Variants in PKD1L1 observed in about 807,000 individuals in gnomAD.
PKD1L1 encodes polycystin-1-like protein 1.
PKD1L1 carries 236 observed loss-of-function variants against 323.4 expected under a neutral mutation model. That is an observed-to-expected ratio of 0.73 (90% confidence interval 0.66 to 0.81). PKD1L1 has a LOEUF of 0.81. PKD1L1 is among the 40% of genes least tolerant of loss of function. The pLI is 0.00. For missense variants in PKD1L1, 3,320 were observed against 3,508.0 expected (o/e 0.95, Z 1.35); for synonymous variants, 1,344 against 1,335.0 (o/e 1.01, Z -0.15).
chr7:47,909,367 C>T (rs960748784), intron 8 of PKD1L1, among the ~76,000 whole-genome samples: 2 of 152,124 alleles, frequency 1.3e-5, no homozygotes, highest in Admixed American at 1.3e-4. Context: ...CACACAAAAC[C>T]AGGCTCCACT....
In PKD1L1 at chr7:47,774,849, A is replaced by G. The variant is rs1584935754; in HGVS notation, c.*294T>C. 1 of 318,542 alleles carries G rather than the reference A, an allele frequency of 3.1e-6. No individual in the cohort carries two copies. The highest frequency in any genetic ancestry group is 5.8e-5 in the East Asian group (1 of 17,368). 19.7% of individuals were successfully genotyped at this position (318,542 alleles called of 1,614,324 possible). On this transcript the variant is annotated 3_prime_UTR_variant, in exon 57 of 57. Transcript: ENST00000289672. The stretch of plus-strand genomic sequence containing the variant: ...TTCAGTAAAACAAACAAATAAGACA[A>G]TATGTAACTCTAGGGCAACTGGCAA...
chr7:47,905,592 GTGGCACATGGAGC>G (rs1416827831), intron 10 of PKD1L1, among the ~76,000 whole-genome samples: 1 of 152,226 alleles, frequency 6.6e-6, no homozygotes, highest in Admixed American at 6.5e-5. Context: ...TAGAAAGGGT[GTGGCACATGGAGC>G]TGGCAGATAA....
At chr7:47,894,687 C>T (rs1244636507) in intron 14 of PKD1L1, among the ~76,000 whole-genome samples, 1 of 151,904 alleles carries the variant, frequency 6.6e-6, no homozygotes, top group Non-Finnish European at 1.5e-5. Flanking sequence ...CTCATCTCTA[C>T]TAAAAATACA....
Position 47,796,119 on chromosome 7 carries a change from T to G in PKD1L1, c.8225A>C (p.Lys2742Thr). Residue 2742 changes from lysine to threonine, a missense_variant, in exon 55 of 57, where the codon AAA becomes ACA. Physicochemically the swap from Lys to Thr is moderately conservative, Grantham distance 78. Coordinates refer to ENST00000289672, the MANE Select transcript of PKD1L1 (RefSeq NM_138295.5). ...LRGFLMTLPQ[K>T]RKSFQSKSFV... Reference sequence around the variant, plus strand: ...AGATTTACTTTGAAAAGATTTTCTTTTTTGGGGTAAAGTCATGAGAAAACC... The same window carrying G: ...AGATTTACTTTGAAAAGATTTTCTTGTTTGGGGTAAAGTCATGAGAAAACC... The G allele has an allele frequency of 6.2e-7, 1 of 1,608,858 alleles. No individual in the cohort carries two copies. Among genetic ancestry groups the G allele is most frequent in the Non-Finnish European group, 8.5e-7 (1 of 1,178,082 alleles).
intron 6 of PKD1L1, 44 bp from the exon 7 acceptor site, chr7:47,929,570 C>G (rs1371093919): frequency 7.2e-6 from 11 of 1,535,614 alleles, no homozygotes; most frequent in Non-Finnish European, 9.7e-6. Context: ...GACAGTGGAC[C>G]ACTGGGGTGG....
intron 46 of PKD1L1, among the ~76,000 whole-genome samples, chr7:47,820,132 G>T (rs1212462836): frequency 6.6e-6 from 1 of 152,162 alleles, no homozygotes; most frequent in East Asian, 1.9e-4. Context: ...TTTGTGGCAG[G>T]TGAAAATAAA....
chr7:47,838,384 C>T (rs987111669), intron 36 of PKD1L1, among the ~76,000 whole-genome samples: 6 of 152,202 alleles, frequency 3.9e-5, no homozygotes, highest in African/African-American at 1.4e-4. Flanking sequence ...GTTTGAGACC[C>T]AGCTTCAGGA....
Position 47,893,919 on chromosome 7 carries a change from C to A in PKD1L1, c.2412G>T (p.Gly804=). The A allele has an allele frequency of 7.4e-6, 12 of 1,613,938 alleles. No homozygotes were observed. The highest frequency in any genetic ancestry group is 1.7e-5 in the Admixed American group (1 of 60,010). ...GGTCGTCAGGGTCGAAGGACTGGGT[C>A]CCTCTGAGGACAATGGGGGATGAGG... ...RTTSSPIVLR[G]TQSFDPDDPG... is the part of the protein sequence containing the mutation. Residue 804 remains glycine, a synonymous_variant, in exon 15 of 57, where the codon GGG becomes GGT. Transcript: ENST00000289672.
At chr7:47,806,658 T>C (rs1562938757) in intron 52 of PKD1L1, among the ~76,000 whole-genome samples, 3 of 152,202 alleles carry the variant, frequency 2.0e-5, no homozygotes, top group Non-Finnish European at 4.4e-5. Flanking sequence ...AACCAAATAA[T>C]TGCTTAATGC....
At chr7:47,905,010 G>A (rs1478771800) in intron 11 of PKD1L1, 147 bp downstream of exon 11, 1 of 841,348 alleles carries the variant, frequency 1.2e-6, no homozygotes, top group East Asian at 2.6e-5. Context: ...ATCTTATGTT[G>A]AGTTTGCTTC....
intron 12 of PKD1L1, among the ~76,000 whole-genome samples, chr7:47,902,836 C>T (rs939934192): frequency 6.6e-6 from 1 of 152,238 alleles, no homozygotes; most frequent in African/African-American, 2.4e-5. Flanking sequence ...ACAGCCATGA[C>T]CTGGCCCCCT....
chr7:47,853,444 T>C (rs1280831228), intron 30 of PKD1L1, among the ~76,000 whole-genome samples: 2 of 151,986 alleles, frequency 1.3e-5, no homozygotes, highest in African/African-American at 4.8e-5. Flanking sequence ...CTGCATCTCA[T>C]TAAAAACAAA....
rs1784947673 is a variant in PKD1L1, at chr7:47,813,508, C to G, written c.7174-215G>C. The stretch of plus-strand genomic sequence containing the variant: ...GGTTCTACCCACAGAAGGTTGGCAT[C>G]TGAGCTGTGTATGGTTCTAAGGCTT... On this transcript the variant is annotated intron_variant, in intron 48 of 56. Transcript: ENST00000289672. 4.2e-6 allele frequency: 3 copies of G among 707,198 alleles called. No individual in the cohort carries two copies. In the African/African-American group the frequency reaches 5.2e-5, roughly 12 times the overall value. The allele number at this position is 707,198 out of a possible 1,614,324, so 43.8% of individuals were successfully genotyped here. A position where few individuals can be genotyped will look rare whatever the true frequency, so the allele number is the denominator to read the frequency against.
chr7:47,827,296 TC>T, intron 45 of PKD1L1, 53 bp downstream of exon 45: 1 of 1,453,854 alleles, frequency 6.9e-7, no homozygotes, highest in Admixed American at 2.0e-5. Context: ...GGGTACTCCC[TC>T]CGAGAAGGGA....
chr7:47,813,120 C>T lies in PKD1L1; in HGVS notation c.7346+1G>A, dbSNP rs1562941941. ...GCCCCGGCCCTTCGAATCTCACTGACCTTGTTCTGCCCAGGCTGAGCACAC... is the reference window on the plus strand; with the variant it reads ...GCCCCGGCCCTTCGAATCTCACTGATCTTGTTCTGCCCAGGCTGAGCACAC... On this transcript the variant is annotated splice_donor_variant, in intron 49 of 56. Transcript: ENST00000289672. LOFTEE classifies it high-confidence loss of function. 2 of 1,612,586 alleles carry T rather than the reference C, an allele frequency of 1.2e-6. No homozygotes were observed. The highest frequency in any genetic ancestry group is 2.2e-5 in the East Asian group (1 of 44,874).
chr7:47,823,897 A>G (rs1307864108), intron 45 of PKD1L1, among the ~76,000 whole-genome samples: 1 of 152,226 alleles, frequency 6.6e-6, no homozygotes, highest in East Asian at 1.9e-4. Flanking sequence ...ACATTGATCA[A>G]TTACATTGTG....
chr7:47,872,736 T>C (rs185706891), intron 24 of PKD1L1, among the ~76,000 whole-genome samples: 3 of 152,268 alleles, frequency 2.0e-5, no homozygotes, highest in Admixed American at 2.0e-4. Flanking sequence ...ACCTCGTTAG[T>C]GGGAATACAA....
At position 47,882,099 on chromosome 7, in the gene PKD1L1, C is replaced by T. The variant is rs758842018; in HGVS notation, c.3266-14G>A. Reference sequence around the variant, plus strand: ...TGGTGTCCTTAGCTAGGAAGATAAACCAAGCCAATAGATGTTAAAGAAAAA... The same window carrying T: ...TGGTGTCCTTAGCTAGGAAGATAAATCAAGCCAATAGATGTTAAAGAAAAA... On this transcript the variant is annotated splice_polypyrimidine_tract_variant and intron_variant, in intron 19 of 56. Coordinates refer to ENST00000289672, the MANE Select transcript of PKD1L1 (RefSeq NM_138295.5). The T allele has an allele frequency of 3.7e-6, 6 of 1,611,760 alleles. No individual in the cohort carries two copies. The highest frequency in any genetic ancestry group is 3.4e-6 in the Non-Finnish European group (4 of 1,179,432).
chr7:47,855,529 A>C (rs1182580443), intron 28 of PKD1L1, among the ~76,000 whole-genome samples: 1 of 152,246 alleles, frequency 6.6e-6, no homozygotes, highest in Non-Finnish European at 1.5e-5. Flanking sequence ...TTAAAAGCTA[A>C]TGCAAAAGAA....
Sources: allele counts gnomAD v4.1 joint callset (sites outside exome capture counted in the v4.1 genomes callset), GRCh38; gene constraint gnomAD v4.1.1; transcripts MANE v1.5; gene names NCBI Gene and HGNC (gene_info 2026-07-23, HGNC 2026-07-21).